The following KCNMA1 variants were observed in gnomAD, a reference collection of about 807,000 sequenced individuals.
KCNMA1 encodes potassium calcium-activated channel subfamily M alpha 1.
Under a neutral mutation model 140.0 loss-of-function variants are expected in KCNMA1, and 29 were observed. The ratio of observed to expected loss-of-function variants is 0.21; its 90% CI spans 0.15 to 0.28. The LOEUF is 0.28. Among genes scored for constraint, KCNMA1 ranks in the 10% least tolerant of loss-of-function variants. The pLI, the probability that KCNMA1 is intolerant of heterozygous loss-of-function variation, is 1.00. For synonymous variants in KCNMA1, 612 were observed against 611.9 expected, an observed-to-expected ratio of 1.00 and a Z score of 0.00; for missense variants, 880 against 1,602.2, an observed-to-expected ratio of 0.55 and a Z score of 7.70.
At chr10:76,971,974 G>GGGGTGTGT (rs1555020887) in intron 19 of KCNMA1, among the ~76,000 whole-genome samples, 5 of 148,796 alleles carry the variant, frequency 3.4e-5, no homozygotes, top group African/African-American at 1.2e-4. Flanking sequence ...AGGGTGTGTG[G>GGGGTGTGT]GTGTGTGTGT....
chr10:76,987,061 CTTTT>C (rs36062874), intron 19 of KCNMA1, among the ~76,000 whole-genome samples: 8 of 139,736 alleles, frequency 5.7e-5, no homozygotes, highest in Non-Finnish European at 9.3e-5. Context: ...AGCCTTGAGA[CTTTT>C]TTTTTTTTTT....
chr10:77,186,085 T>G, intron 3 of KCNMA1, among the ~76,000 whole-genome samples: 1 of 152,178 alleles, frequency 6.6e-6, no homozygotes, highest in East Asian at 1.9e-4. Context: ...ATAGTTGCAC[T>G]TCTGTAAGGA....
chr10:76,967,538 A>G (rs1428903945), intron 20 of KCNMA1, among the ~76,000 whole-genome samples: 1 of 152,146 alleles, frequency 6.6e-6, no homozygotes, highest in Admixed American at 6.5e-5. Context: ...AAGTCAAGGG[A>G]TATGGAGAGA....
At chr10:77,519,959 T>A (rs1370721484) in intron 1 of KCNMA1, among the ~76,000 whole-genome samples, 1 of 145,362 alleles carries the variant, frequency 6.9e-6, no homozygotes, top group Non-Finnish European at 1.5e-5. Flanking sequence ...CAGTGTGAGG[T>A]CTGGGGTATG....
chr10:77,360,038 T>G (rs929648189), intron 2 of KCNMA1, among the ~76,000 whole-genome samples: 7 of 152,226 alleles, frequency 4.6e-5, no homozygotes, highest in African/African-American at 1.4e-4. Context: ...AGTCATCTGA[T>G]TTCAATACAC....
At chr10:77,267,405 G>T (rs1044242017) in intron 2 of KCNMA1, among the ~76,000 whole-genome samples, 44 of 152,164 alleles carry the variant, frequency 2.9e-4, no homozygotes, top group African/African-American at 1.0e-3. Flanking sequence ...TCAAATCCAG[G>T]TCGGACTCCC....
chr10:76,906,930 C>T (rs370017622), intron 25 of KCNMA1, among the ~76,000 whole-genome samples: 7 of 152,256 alleles, frequency 4.6e-5, no homozygotes, highest in Admixed American at 2.6e-4. Flanking sequence ...GAAAACAAGA[C>T]CTGGAATAAT....
intron 3 of KCNMA1, among the ~76,000 whole-genome samples, chr10:77,195,032 TTTGTTG>T (rs374704938): frequency 1.8e-4 from 28 of 151,992 alleles, no homozygotes; most frequent in African/African-American, 5.6e-4. Context: ...ATCTTGAAGT[TTTGTTG>T]TTGTTGTTGT....
chr10:77,132,020 A>T (rs928508642), intron 5 of KCNMA1, among the ~76,000 whole-genome samples: 4 of 152,062 alleles, frequency 2.6e-5, no homozygotes, highest in Non-Finnish European at 5.9e-5. Context: ...AGAATTGCCA[A>T]ACATTTGAGG....
intron 1 of KCNMA1, among the ~76,000 whole-genome samples, chr10:77,508,990 C>T (rs2047307809): frequency 6.6e-6 from 1 of 152,180 alleles, no homozygotes; most frequent in South Asian, 2.1e-4. Flanking sequence ...GGCAGGATTA[C>T]CTTCCTTTTC....
At chr10:76,982,026 T>C (rs1693606096) in intron 19 of KCNMA1, among the ~76,000 whole-genome samples, 1 of 152,170 alleles carries the variant, frequency 6.6e-6, no homozygotes, top group Non-Finnish European at 1.5e-5. Context: ...CACTTCCCTT[T>C]CCTGGGGGGA....
intron 2 of KCNMA1, among the ~76,000 whole-genome samples, chr10:77,287,370 T>C (rs2071384519): frequency 6.6e-6 from 1 of 152,154 alleles, no homozygotes; most frequent in Non-Finnish European, 1.5e-5. Context: ...GCACAGACTA[T>C]CTACCTACAC....
chr10:76,949,666 A>G (rs541785894), intron 21 of KCNMA1, among the ~76,000 whole-genome samples: 1 of 152,212 alleles, frequency 6.6e-6, no homozygotes, highest in Non-Finnish European at 1.5e-5. Flanking sequence ...AGACCTTCAT[A>G]ATAATTTTCA....
intron 1 of KCNMA1, among the ~76,000 whole-genome samples, chr10:77,410,833 C>T (rs574175864): frequency 2.0e-5 from 3 of 152,358 alleles, no homozygotes; most frequent in East Asian, 3.9e-4. Flanking sequence ...TCATTTCTCT[C>T]GAGCTTTGGT....
At chr10:76,937,908 T>C (rs2060971305) in intron 23 of KCNMA1, among the ~76,000 whole-genome samples, 1 of 150,914 alleles carries the variant, frequency 6.6e-6, no homozygotes, top group Non-Finnish European at 1.5e-5. Context: ...TGTGTGTGTG[T>C]GCGTATGTGT....
chr10:77,322,805 T>C (rs2082748539), intron 2 of KCNMA1, among the ~76,000 whole-genome samples: 1 of 152,112 alleles, frequency 6.6e-6, no homozygotes, highest in African/African-American at 2.4e-5. Flanking sequence ...GGAGCCTAAA[T>C]ACTCTATGCT....
rs11002161 is a variant in KCNMA1 at position 77,416,275 on chromosome 10, C to A, written c.379-12252G>T. On this transcript the variant is annotated intron_variant, in intron 1 of 27. Coordinates refer to ENST00000286628, the MANE Select transcript of KCNMA1 (RefSeq NM_001161352.2). ...TCTGAGGGATGGAGGCATGGTCTCT[C>A]AGGGCTGGAGGAGCTCTGCAAGCTG... is the stretch of plus-strand genomic sequence containing the variant. Among the ~76,000 whole-genome samples the A allele has an allele frequency of 3.0e-3, 456 of 152,216 alleles. 3 individuals carry two copies. Among genetic ancestry groups the A allele is most frequent in the African/African-American group, 0.01 (420 of 41,528 alleles).
chr10:77,137,901 C>G (rs774810858), intron 5 of KCNMA1, among the ~76,000 whole-genome samples: 2 of 150,980 alleles, frequency 1.3e-5, no homozygotes, highest in Non-Finnish European at 3.0e-5. Flanking sequence ...CCCGCCTCAG[C>G]CCCCCAAGTA....
chr10:77,121,229 T>G (rs1203636009), intron 5 of KCNMA1, among the ~76,000 whole-genome samples, 181 bp from the exon 6 acceptor site: 3 of 152,226 alleles, frequency 2.0e-5, no homozygotes. Context: ...TAATCTCGAC[T>G]GGGAAATGGA....
Sources: allele counts gnomAD v4.1 joint callset (sites outside exome capture counted in the v4.1 genomes callset), GRCh38; gene constraint gnomAD v4.1.1; transcripts MANE v1.5; gene names NCBI Gene and HGNC (gene_info 2026-07-23, HGNC 2026-07-21).